The following PDE4B variants were observed in gnomAD, a reference collection of about 807,000 sequenced individuals.
PDE4B encodes the protein 3',5'-cyclic-AMP phosphodiesterase 4B.
A neutral mutation model predicts 82.2 loss-of-function variants in PDE4B; 20 were observed. The observed-to-expected ratio is 0.24, with a 90% confidence interval of 0.17 to 0.35. The LOEUF (loss-of-function observed/expected upper bound fraction) is 0.35. Ranked by LOEUF, PDE4B falls within the 10% of genes least tolerant of loss-of-function variation. The pLI is 1.00. For missense variants in PDE4B, 655 were observed against 907.2 expected (o/e 0.72, Z 3.57); for synonymous variants, 320 against 318.9 (o/e 1.00, Z -0.04).
chr1:66,311,069 G>A lies in PDE4B; in HGVS notation c.635-21439G>A, dbSNP rs1658635132. On this transcript the variant is annotated intron_variant, in intron 7 of 16. Transcript: ENST00000341517. ...TATCCATGGGATCTTGAACGGTGTT[G>A]TCTGGTGCAGAATAAATAGTCAAGA... Among the ~76,000 whole-genome samples the A allele has an allele frequency of 2.6e-5, 4 of 152,308 alleles. No homozygotes were observed. The South Asian group carries it at 8.3e-4, about 32-fold the overall frequency.
intron 3 of PDE4B, among the ~76,000 whole-genome samples, chr1:66,065,560 T>A (rs1248040296): frequency 6.6e-6 from 1 of 151,876 alleles, no homozygotes; most frequent in Non-Finnish European, 1.5e-5. Context: ...ATGTCTTGAA[T>A]GCGGGAACTG....
intron 3 of PDE4B, among the ~76,000 whole-genome samples, chr1:66,016,857 G>T (rs1169653181): frequency 6.6e-6 from 1 of 152,194 alleles, no homozygotes; most frequent in Non-Finnish European, 1.5e-5. Flanking sequence ...GCAAAAGGAT[G>T]CAGCTTGCTT....
At chr1:66,096,053 T>C (rs1645107469) in intron 3 of PDE4B, among the ~76,000 whole-genome samples, 1 of 151,802 alleles carries the variant, frequency 6.6e-6, no homozygotes, top group South Asian at 2.1e-4. Context: ...TTCTAGCTAT[T>C]TGAAACTGTA....
intron 7 of PDE4B, among the ~76,000 whole-genome samples, chr1:66,303,154 T>G (rs1658021554): frequency 6.6e-6 from 1 of 152,156 alleles, no homozygotes; most frequent in Non-Finnish European, 1.5e-5. Context: ...CAGTAGACCC[T>G]GGATAAACAT....
At chr1:66,112,019 A>T (rs1351946960) in intron 3 of PDE4B, among the ~76,000 whole-genome samples, 1 of 152,140 alleles carries the variant, frequency 6.6e-6, no homozygotes. Flanking sequence ...CATTTTGTTC[A>T]AGGATGAAGA....
In PDE4B at chr1:66,296,323, T is replaced by C. The variant is rs1358383962; in HGVS notation, c.634+30236T>C. 2.6e-5 allele frequency among the ~76,000 whole-genome samples: 4 copies of C among 152,306 alleles called. No homozygotes were observed. In the East Asian group the frequency reaches 7.7e-4, roughly 29 times the overall value. ...GGTAGGCACGTGATAGGGAGTGGGC[T>C]GACTTCTTGGTAAACTGTAGTCTGT... On this transcript the variant is annotated intron_variant, in intron 7 of 16. Coordinates refer to ENST00000341517, the MANE Select transcript of PDE4B (RefSeq NM_002600.4).
At chr1:65,901,949 T>C (rs1646976304) in intron 1 of PDE4B, among the ~76,000 whole-genome samples, 1 of 152,082 alleles carries the variant, frequency 6.6e-6, no homozygotes, top group South Asian at 2.1e-4. Flanking sequence ...ACTTTTAACA[T>C]TGCTTCTGCT....
chr1:65,944,074 G>A (rs1648579760), intron 3 of PDE4B, among the ~76,000 whole-genome samples: 1 of 151,924 alleles, frequency 6.6e-6, no homozygotes. Flanking sequence ...TCATATCTTA[G>A]AGGGAAAGCT....
intron 7 of PDE4B, among the ~76,000 whole-genome samples, chr1:66,313,659 T>C (rs1279890666): frequency 1.3e-5 from 2 of 152,214 alleles, no homozygotes; most frequent in Non-Finnish European, 2.9e-5. Context: ...AAAACATTTA[T>C]CACTCATAGC....
At chr1:65,931,128 C>A (rs1647809517) in intron 3 of PDE4B, among the ~76,000 whole-genome samples, 1 of 152,138 alleles carries the variant, frequency 6.6e-6, no homozygotes, top group African/African-American at 2.4e-5. Context: ...TAGCACCTCT[C>A]CCCTCTCTCT....
intron 3 of PDE4B, among the ~76,000 whole-genome samples, chr1:66,200,421 A>G (rs921209358): frequency 5.9e-5 from 9 of 152,148 alleles, no homozygotes; most frequent in African/African-American, 1.9e-4. Context: ...CACTGAATCT[A>G]TAAATTACCT....
intron 3 of PDE4B, among the ~76,000 whole-genome samples, chr1:66,011,288 A>G (rs530386761): frequency 6.7e-6 from 1 of 150,040 alleles, no homozygotes; most frequent in Non-Finnish European, 1.5e-5. Context: ...AAGCTGGATT[A>G]ATTTTCAACA....
intron 3 of PDE4B, among the ~76,000 whole-genome samples, chr1:65,935,948 AAAC>A (rs527864035): frequency 0.01 from 1,596 of 152,160 alleles, 27 homozygotes; most frequent in African/African-American, 0.036. Flanking sequence ...AAAAAAAACA[AAAC>A]AACAACAACA....
intron 3 of PDE4B, among the ~76,000 whole-genome samples, chr1:66,075,396 T>TA (rs71590341): frequency 0.069 from 10,491 of 152,050 alleles, 657 homozygotes; most frequent in East Asian, 0.26. Context: ...AATTCTTTGT[T>TA]AAACTTATTA....
At chr1:65,993,334 C>CT (rs1406160294) in intron 3 of PDE4B, among the ~76,000 whole-genome samples, 1 of 152,132 alleles carries the variant, frequency 6.6e-6, no homozygotes, top group Non-Finnish European at 1.5e-5. Flanking sequence ...GTGCTACTAG[C>CT]TTTTTCCAGA....
intron 3 of PDE4B, among the ~76,000 whole-genome samples, chr1:65,982,019 T>C (rs1174583932): frequency 6.6e-6 from 1 of 152,160 alleles, no homozygotes; most frequent in Non-Finnish European, 1.5e-5. Context: ...GCTGTAAAAA[T>C]ACTTTAAAAT....
chr1:66,161,132 AC>A (rs1052327502), intron 3 of PDE4B, among the ~76,000 whole-genome samples: 2 of 152,092 alleles, frequency 1.3e-5, no homozygotes, highest in Non-Finnish European at 2.9e-5. Flanking sequence ...TGCTATAAGC[AC>A]CTTCCTTTGG....
chr1:66,284,515 A>C (rs927028244), intron 7 of PDE4B, among the ~76,000 whole-genome samples: 4 of 152,182 alleles, frequency 2.6e-5, no homozygotes, highest in African/African-American at 9.7e-5. Context: ...GAGGCCAGCC[A>C]GGTGCAGTGG....
At chr1:66,163,661 T>C (rs185804018) in intron 3 of PDE4B, among the ~76,000 whole-genome samples, 1 of 152,304 alleles carries the variant, frequency 6.6e-6, no homozygotes, top group Admixed American at 6.5e-5. Context: ...AACAAAACAG[T>C]CATGTTTTAG....
Sources: allele counts gnomAD v4.1 joint callset (sites outside exome capture counted in the v4.1 genomes callset), GRCh38; gene constraint gnomAD v4.1.1; transcripts MANE v1.5; gene names NCBI Gene and HGNC (gene_info 2026-07-23, HGNC 2026-07-21).